The following ATP2C2 variants were observed in gnomAD, a reference collection of about 807,000 sequenced individuals.
ATP2C2 encodes the protein calcium-transporting ATPase type 2C member 2.
ATP2C2 carries 171 observed loss-of-function variants against 110.8 expected under a neutral mutation model. The ratio of observed to expected loss-of-function variants is 1.54; its 90% CI spans 1.36 to 1.75. The LOEUF (loss-of-function observed/expected upper bound fraction) is 1.75. Ranked by LOEUF, ATP2C2 falls within the 40% of genes most tolerant of loss-of-function variation. The pLI, the probability that ATP2C2 is intolerant of heterozygous loss-of-function variation, is 0.00. For synonymous variants in ATP2C2, 804 were observed against 508.4 expected, an observed-to-expected ratio of 1.58 and a Z score of -7.82; for missense variants, 1,963 against 1,235.0, an observed-to-expected ratio of 1.59 and a Z score of -8.84.
At chr16:84,425,863 C>G (rs1157394769) in intron 11 of ATP2C2, 62 bp downstream of exon 11, 7 of 1,569,352 alleles carry the variant, frequency 4.5e-6, no homozygotes, top group Non-Finnish European at 6.1e-6. Flanking sequence ...GAGCCCTTCC[C>G]TGCCGCAAGA....
chr16:84,381,344 C>T (rs199508991), intron 1 of ATP2C2, among the ~76,000 whole-genome samples: 5 of 152,128 alleles, frequency 3.3e-5, no homozygotes, highest in African/African-American at 4.8e-5. Context: ...TGGATGTATA[C>T]GTGCAAGTCA....
chr16:84,405,130 G>C lies in ATP2C2; in HGVS notation c.213G>C (p.Val71=). ...QKEDLARAFC[V]DLHTGLSEFS... is the part of the protein sequence containing the mutation. ...TTGTGCCTGACCTCTCCTTCCAGGT[G>C]GACTTACACACTGGGCTGTCGGAGT... The change falls in exon 3 of 27, where the codon GTG becomes GTC. Residue 71 remains valine (V), a splice_region_variant and synonymous_variant. Coordinates refer to ENST00000262429, the MANE Select transcript of ATP2C2 (RefSeq NM_014861.4). 6.2e-7 allele frequency: 1 copy of C among 1,613,332 alleles called. No homozygotes were observed. The highest frequency in any genetic ancestry group is 8.5e-7 in the Non-Finnish European group (1 of 1,179,574).
chr16:84,452,213 G>A, intron 18 of ATP2C2, 122 bp downstream of exon 18: 3 of 1,198,874 alleles, frequency 2.5e-6, no homozygotes, highest in Non-Finnish European at 3.5e-6. Context: ...AGCCCTACAG[G>A]CTTAGAAAAG....
At position 84,461,748 on chromosome 16, in the gene ATP2C2, C is replaced by G; in HGVS notation, c.2516C>G (p.Thr839Arg). ...GACAGAGCAAGCACTCCCCGCACCA[C>G]GACGATGACGTTCACTTGTTTTGTG... ...PEDRASTPRT[T>R]TMTFTCFVFF... The change falls in exon 25 of 27, where the codon ACG (threonine) becomes AGG (arginine). Residue 839 changes from threonine (T) to arginine (R), a missense_variant. Thr to Arg is a moderately conservative substitution (Grantham distance 71). Coordinates refer to ENST00000262429, the MANE Select transcript of ATP2C2 (RefSeq NM_014861.4). 3 of 1,614,212 alleles carry G rather than the reference C, an allele frequency of 1.9e-6. No individual in the cohort carries two copies. Among genetic ancestry groups the G allele is most frequent in the Non-Finnish European group, 2.5e-6 (3 of 1,180,028 alleles).
chr16:84,411,235 C>G (rs946411841), intron 6 of ATP2C2, among the ~76,000 whole-genome samples: 1 of 152,178 alleles, frequency 6.6e-6, no homozygotes, highest in Non-Finnish European at 1.5e-5. Flanking sequence ...AACTACTCAG[C>G]AGCTGCAACA....
chr16:84,411,585 G>C (rs1050498846), intron 6 of ATP2C2, among the ~76,000 whole-genome samples: 1 of 152,072 alleles, frequency 6.6e-6, no homozygotes, highest in Non-Finnish European at 1.5e-5. Context: ...GGGACTACAG[G>C]CATGCACCAC....
At chr16:84,460,467 T>G in intron 23 of ATP2C2, 187 bp from the exon 24 acceptor site, 1 of 780,170 alleles carries the variant, frequency 1.3e-6, no homozygotes, top group Non-Finnish European at 2.2e-6. Context: ...CAGCTGCCCA[T>G]GGACCCAGGC....
chr16:84,400,328 T>A (rs4782950), intron 2 of ATP2C2, among the ~76,000 whole-genome samples: 57,687 of 134,926 alleles, frequency 0.43, 12,503 homozygotes, highest in South Asian at 0.59. Context: ...TTTAGTTTTT[T>A]GTTGTTTTTT....
rs180820787 is a variant in ATP2C2 at position 84,459,111 on chromosome 16, C to T, written c.2148-9C>T. The T allele has an allele frequency of 3.1e-6, 5 of 1,613,960 alleles. No homozygotes were observed. The highest frequency in any genetic ancestry group is 4.5e-5 in the East Asian group (2 of 44,902). On this transcript the variant is annotated splice_polypyrimidine_tract_variant and intron_variant, in intron 21 of 26. Transcript: ENST00000262429. The stretch of plus-strand genomic sequence containing the variant: ...CGCTCCGTGAGTAAATGGCTCTCTT[C>T]TCTTGCAGGAATGCAGTGGAGGAAG...
intron 11 of ATP2C2, chr16:84,426,129 C>T (rs556373898): frequency 3.7e-6 from 1 of 267,698 alleles, no homozygotes; most frequent in African/African-American, 2.2e-5. Context: ...ACAGGCCGTA[C>T]AGGAAGCATG....
chr16:84,425,139 C>T (rs1051988211), intron 10 of ATP2C2, among the ~76,000 whole-genome samples: 6 of 152,214 alleles, frequency 3.9e-5, no homozygotes, highest in African/African-American at 7.2e-5. Context: ...GGCCCCCTGG[C>T]CCCTGCAAAG....
intron 11 of ATP2C2, among the ~76,000 whole-genome samples, chr16:84,436,951 G>A (rs1461735604): frequency 2.6e-5 from 4 of 151,748 alleles, no homozygotes; most frequent in African/African-American, 4.8e-5. Context: ...TAGGAGAGAC[G>A]GGGTTTCTCC....
chr16:84,368,772 T>G (rs1028422834), intron 1 of ATP2C2, 58 bp downstream of exon 1: 11 of 1,377,762 alleles, frequency 8.0e-6, no homozygotes, highest in Non-Finnish European at 7.8e-6. Context: ...CCCTCCGTCG[T>G]AACCGTCCCC....
intron 1 of ATP2C2, 48 bp downstream of exon 1, chr16:84,368,762 C>A (rs947721432): frequency 1.4e-6 from 2 of 1,419,226 alleles, no homozygotes; most frequent in Non-Finnish European, 1.9e-6. Context: ...ACCCCCCATC[C>A]CCTCCGTCGT....
chr16:84,388,981 A>G (rs2076485344), intron 1 of ATP2C2, among the ~76,000 whole-genome samples: 1 of 152,122 alleles, frequency 6.6e-6, no homozygotes, highest in African/African-American at 2.4e-5. Context: ...CATGTTACCC[A>G]GGATGGTCTC....
At chr16:84,373,967 A>T (rs1910110574) in intron 1 of ATP2C2, among the ~76,000 whole-genome samples, 1 of 152,258 alleles carries the variant, frequency 6.6e-6, no homozygotes, top group South Asian at 2.1e-4. Flanking sequence ...ACTCAAACTC[A>T]AGTCCAACTG....
chr16:84,448,249 C>G (rs1273586551), intron 16 of ATP2C2, among the ~76,000 whole-genome samples: 3 of 150,888 alleles, frequency 2.0e-5, no homozygotes, highest in African/African-American at 7.4e-5. Flanking sequence ...ATGAAACATA[C>G]AAGACGCTCT....
chr16:84,410,140 C>T (rs560130963), intron 4 of ATP2C2, among the ~76,000 whole-genome samples: 9 of 152,160 alleles, frequency 5.9e-5, no homozygotes, highest in South Asian at 4.2e-4. Flanking sequence ...AACCGGGAGG[C>T]GGAGGTTGCA....
At chr16:84,428,597 A>G (rs774866276) in intron 11 of ATP2C2, among the ~76,000 whole-genome samples, 15 of 152,364 alleles carry the variant, frequency 9.8e-5, no homozygotes, top group Admixed American at 2.0e-4. Context: ...TGATGTGGGC[A>G]CACAGATGTG....
Sources: gnomAD v4.1 joint callset for allele counts (sites outside exome capture counted in the v4.1 genomes callset) on GRCh38, gnomAD v4.1.1 for gene constraint, MANE v1.5 for transcripts, NCBI Gene and HGNC (gene_info 2026-07-23, HGNC 2026-07-21) for gene names.